The following CACUL1 variants were observed in gnomAD, a reference collection of about 807,000 sequenced individuals.
CACUL1 encodes the protein CDK2-associated and cullin domain-containing protein 1.
In CACUL1, 13 loss-of-function variants were observed where a neutral mutation model predicts 45.2. The observed-to-expected ratio is 0.29, with a 90% confidence interval of 0.19 to 0.46. CACUL1 has a LOEUF of 0.46. CACUL1 is among the 20% of genes least tolerant of loss of function. The pLI, the probability that CACUL1 is intolerant of heterozygous loss-of-function variation, is 1.00. For synonymous variants in CACUL1, 197 were observed against 174.2 expected, an observed-to-expected ratio of 1.13 and a Z score of -1.03; for missense variants, 421 against 471.4, an observed-to-expected ratio of 0.89 and a Z score of 0.99.
chr10:118,735,613 TTCC>T, intron 1 of CACUL1, among the ~76,000 whole-genome samples: 1 of 152,210 alleles, frequency 6.6e-6, no homozygotes, highest in Middle Eastern at 3.2e-3. Flanking sequence ...GTGTTCCTCT[TTCC>T]TCAATTGCTA....
intron 4 of CACUL1, among the ~76,000 whole-genome samples, chr10:118,704,114 C>G (rs559515317): frequency 1.3e-5 from 2 of 151,408 alleles, no homozygotes; most frequent in East Asian, 3.9e-4. Context: ...GCTAGGTGGT[C>G]GTGCTTAGGC....
At chr10:118,710,752 T>C (rs145429466) in intron 3 of CACUL1, among the ~76,000 whole-genome samples, 157 of 152,302 alleles carry the variant, frequency 1.0e-3, no homozygotes, top group African/African-American at 3.5e-3. Context: ...GCCTAGAACA[T>C]AGTAGATAAA....
intron 5 of CACUL1, 56 bp downstream of exon 5, chr10:118,701,247 AAAG>A: frequency 9.8e-7 from 1 of 1,016,342 alleles, no homozygotes; most frequent in Middle Eastern, 2.2e-4. Flanking sequence ...ACCAAAAAAA[AAAG>A]AAAAAGGAAA....
intron 6 of CACUL1, chr10:118,693,490 C>G: frequency 3.9e-6 from 1 of 253,584 alleles, no homozygotes; most frequent in East Asian, 9.0e-5. Context: ...AGTATAAATC[C>G]TATTACAAGA....
intron 5 of CACUL1, among the ~76,000 whole-genome samples, chr10:118,700,220 A>G (rs1845365266): frequency 1.3e-5 from 2 of 152,230 alleles, no homozygotes; most frequent in South Asian, 4.1e-4. Flanking sequence ...AAGGAAAGCA[A>G]AAATACATAC....
chr10:118,704,027 T>C (rs187875892), intron 4 of CACUL1, among the ~76,000 whole-genome samples: 29 of 152,256 alleles, frequency 1.9e-4, no homozygotes, highest in African/African-American at 5.3e-4. Context: ...AAATTTTGTA[T>C]TGTCATAGTC....
intron 4 of CACUL1, among the ~76,000 whole-genome samples, chr10:118,704,615 C>A (rs1845416521): frequency 6.6e-6 from 1 of 152,174 alleles, no homozygotes; most frequent in African/African-American, 2.4e-5. Context: ...ATATATCTAC[C>A]CTTTCTTAAT....
At chr10:118,729,159 C>A (rs1845677089) in intron 3 of CACUL1, 136 bp downstream of exon 3, 1 of 610,604 alleles carries the variant, frequency 1.6e-6, no homozygotes, top group Non-Finnish European at 2.8e-6. Flanking sequence ...ATGATTTGAT[C>A]AACATTCACC....
At chr10:118,749,468 T>C (rs1013938528) in intron 1 of CACUL1, among the ~76,000 whole-genome samples, 2 of 152,154 alleles carry the variant, frequency 1.3e-5, no homozygotes, top group Non-Finnish European at 2.9e-5. Context: ...ACTCTAGATA[T>C]ATTAAACAGA....
At chr10:118,701,663 G>A (rs909332460) in intron 4 of CACUL1, among the ~76,000 whole-genome samples, 1 of 152,154 alleles carries the variant, frequency 6.6e-6, no homozygotes, top group African/African-American at 2.4e-5. Flanking sequence ...ACTAGACAGG[G>A]ATGTACAAAC....
rs141802586 is a variant in CACUL1 at position 118,722,656 on chromosome 10, C to A, written c.597+6639G>T. Among the ~76,000 whole-genome samples, 613 of 152,282 alleles carry A rather than the reference C, an allele frequency of 4.0e-3. 7 individuals carry two copies. Among genetic ancestry groups the A allele is most frequent in the African/African-American group, 0.014 (593 of 41,554 alleles). ...AGCAAGAGAGATGATGTTGGCAATT[C>A]AGATATGCCAAAGAGAAGCTGTAAA... On this transcript the variant is annotated intron_variant, in intron 3 of 8. Transcript: ENST00000369151.
At chr10:118,753,809 G>A (rs1360097005) in intron 1 of CACUL1, among the ~76,000 whole-genome samples, 1 of 152,196 alleles carries the variant, frequency 6.6e-6, no homozygotes, top group African/African-American at 2.4e-5. Flanking sequence ...CGATGTCGGA[G>A]CTGCCACTGC....
chr10:118,754,293 G>T (rs953207706), intron 1 of CACUL1, 103 bp downstream of exon 1: 9 of 1,418,872 alleles, frequency 6.3e-6, no homozygotes, highest in Non-Finnish European at 8.3e-6. Context: ...AGGAAAGACC[G>T]AGGCCTGAAA....
chr10:118,722,852 C>T (rs570332551), intron 3 of CACUL1, among the ~76,000 whole-genome samples: 3 of 152,220 alleles, frequency 2.0e-5, no homozygotes, highest in Non-Finnish European at 2.9e-5. Context: ...TGTCAGTTGA[C>T]CATTGCCATG....
At chr10:118,711,506 T>C (rs558373482) in intron 3 of CACUL1, among the ~76,000 whole-genome samples, 1 of 152,352 alleles carries the variant, frequency 6.6e-6, no homozygotes, top group African/African-American at 2.4e-5. Flanking sequence ...CTAAACTGCT[T>C]TGAAGAACTC....
chr10:118,731,155 G>A (rs923832970), intron 1 of CACUL1, among the ~76,000 whole-genome samples: 1 of 152,134 alleles, frequency 6.6e-6, no homozygotes, highest in Admixed American at 6.6e-5. Flanking sequence ...GTTGCTTCAC[G>A]GCACTGAAAT....
chr10:118,678,609 G>A lies in CACUL1; in HGVS notation c.*7519C>T, dbSNP rs1246862429. ...CCCTTATATTCTCTACACTTATTTA[G>A]GTCCATTAAGTTTTTTTTTTATCAT... On this transcript the variant is annotated 3_prime_UTR_variant, in exon 9 of 9. Transcript: ENST00000369151. 1.3e-5 allele frequency: 2 copies of A among 148,290 alleles called. No homozygotes were observed. Among genetic ancestry groups the A allele is most frequent in the Non-Finnish European group, 3.0e-5 (2 of 67,626 alleles). 9.2% of individuals were successfully genotyped at this position (148,290 alleles called of 1,614,324 possible).
intron 1 of CACUL1, among the ~76,000 whole-genome samples, chr10:118,745,179 C>A (rs1273003269): frequency 6.6e-6 from 1 of 152,002 alleles, no homozygotes; most frequent in East Asian, 1.9e-4. Flanking sequence ...AATCATAAAT[C>A]CTAGAGTAAC....
chr10:118,741,079 T>C (rs1473079698), intron 1 of CACUL1, among the ~76,000 whole-genome samples: 1 of 152,158 alleles, frequency 6.6e-6, no homozygotes, highest in Non-Finnish European at 1.5e-5. Context: ...AATGTGTGGC[T>C]AATACCAGAA....
Sources: gnomAD v4.1 joint callset for allele counts (sites outside exome capture counted in the v4.1 genomes callset) on GRCh38, gnomAD v4.1.1 for gene constraint, MANE v1.5 for transcripts, NCBI Gene and HGNC (gene_info 2026-07-23, HGNC 2026-07-21) for gene names.